The following CFAP43 variants were observed in gnomAD, a reference collection of about 807,000 sequenced individuals.
CFAP43 encodes the protein cilia- and flagella-associated protein 43.
Under a neutral mutation model 218.9 loss-of-function variants are expected in CFAP43, and 155 were observed. The ratio of observed to expected loss-of-function variants is 0.71; its 90% CI spans 0.62 to 0.81. CFAP43 has a LOEUF of 0.81. Ranked by LOEUF, CFAP43 falls within the 30% of genes least tolerant of loss-of-function variation. The pLI is 0.00. For missense variants in CFAP43, 1,778 were observed against 1,954.3 expected (o/e 0.91, Z 1.70); for synonymous variants, 645 against 681.3 (o/e 0.95, Z 0.83).
intron 8 of CFAP43, chr10:104,203,300 G>T (rs1028968478): frequency 4.3e-5 from 9 of 207,296 alleles, no homozygotes; most frequent in Non-Finnish European, 7.6e-5. Flanking sequence ...TTTCCACCAG[G>T]GACATCAAGC....
intron 2 of CFAP43, among the ~76,000 whole-genome samples, chr10:104,227,993 G>A (rs535581141): frequency 9.9e-5 from 15 of 151,738 alleles, no homozygotes; most frequent in East Asian, 1.9e-4. Context: ...ACAGGCATGC[G>A]CCACCATGCC....
chr10:104,148,692 G>A lies in CFAP43; in HGVS notation c.3661-694C>T, dbSNP rs370626498. Among the ~76,000 whole-genome samples, 8 of 152,318 alleles carry A rather than the reference G, an allele frequency of 5.3e-5. No homozygotes were observed. The East Asian group carries it at 1.4e-3, about 26-fold the overall frequency. ...GCACACCCCAGCTCCCCTTCACCTG[G>A]CATAAATGGAAGCGGCCTGAGGCCC... On this transcript the variant is annotated intron_variant, in intron 28 of 37. Coordinates refer to ENST00000357060, the MANE Select transcript of CFAP43 (RefSeq NM_025145.7).
intron 19 of CFAP43, among the ~76,000 whole-genome samples, chr10:104,175,340 G>C: frequency 6.6e-6 from 1 of 152,082 alleles, no homozygotes; most frequent in Non-Finnish European, 1.5e-5. Context: ...TGAGAGGAAT[G>C]CTTGAGCCCA....
At chr10:104,202,049 C>G (rs2134944708) in intron 8 of CFAP43, among the ~76,000 whole-genome samples, 1 of 152,298 alleles carries the variant, frequency 6.6e-6, no homozygotes, top group Admixed American at 6.5e-5. Context: ...GTCTCTGCCA[C>G]AACTATTTAA....
rs1214061768 is a variant in CFAP43, at chr10:104,212,171, A to G, written c.585-14T>C. 2 of 1,610,818 alleles carry G rather than the reference A, an allele frequency of 1.2e-6. No individual in the cohort carries two copies. Among genetic ancestry groups the G allele is most frequent in the South Asian group, 2.2e-5 (2 of 90,634 alleles). On this transcript the variant is annotated splice_polypyrimidine_tract_variant and intron_variant, in intron 4 of 37. Transcript: ENST00000357060. ...AATTTCACCGACCTGTAGACAAAAGAGGCATCAGAACAATGAGATGAACAG... is the reference window on the plus strand; with the variant it reads ...AATTTCACCGACCTGTAGACAAAAGGGGCATCAGAACAATGAGATGAACAG...
At position 104,140,843 on chromosome 10, in the gene CFAP43, C is replaced by G; in HGVS notation, c.4430G>C (p.Arg1477Pro). 6.3e-7 allele frequency: 1 copy of G among 1,590,200 alleles called. No individual in the cohort carries two copies. The highest frequency in any genetic ancestry group is 8.5e-7 in the Non-Finnish European group (1 of 1,172,252). Residue 1477 changes from arginine to proline, a missense_variant and splice_region_variant, in exon 34 of 38, where the codon CGG becomes CCG. This residue lies in a region of CFAP43 where 211 missense variants were observed against 230.6 expected (regional missense o/e 0.91). Coordinates refer to ENST00000357060, the MANE Select transcript of CFAP43 (RefSeq NM_025145.7). ...AATAAAAATAAAAAGTATAATTACCCGAATCACAGAATTCAAGTCTTCAAT... is the reference window on the plus strand; with the variant it reads ...AATAAAAATAAAAAGTATAATTACCGGAATCACAGAATTCAAGTCTTCAAT... ...NIIEDLNSVI[R>P]TQGQKKVASM...
At chr10:104,186,544 A>G (rs1402321710) in intron 14 of CFAP43, among the ~76,000 whole-genome samples, 1 of 152,002 alleles carries the variant, frequency 6.6e-6, no homozygotes, top group Non-Finnish European at 1.5e-5. Context: ...ACTCTACTCC[A>G]TCCCCACCAG....
intron 2 of CFAP43, among the ~76,000 whole-genome samples, chr10:104,228,960 G>A (rs1024048164): frequency 6.6e-6 from 1 of 151,992 alleles, no homozygotes; most frequent in Non-Finnish European, 1.5e-5. Context: ...TAGTATTACT[G>A]GGAATTCCTT....
In CFAP43 at chr10:104,207,792, C is replaced by T. The variant is rs747284153; in HGVS notation, c.768G>A (p.Pro256=). The T allele has an allele frequency of 7.4e-6, 12 of 1,613,638 alleles. 1 individual carries two copies. The highest frequency in any genetic ancestry group is 4.4e-5 in the South Asian group (4 of 91,000). The change falls in exon 6 of 38, where the codon CCG becomes CCA. Residue 256 remains proline, a synonymous_variant. Coordinates refer to ENST00000357060, the MANE Select transcript of CFAP43 (RefSeq NM_025145.7). The part of the protein sequence containing the change: ...PKDDLYPLLH[P]TMHCWTPTSD... The stretch of plus-strand genomic sequence containing the variant: ...TTGTTGGAGTCCAGCAATGCATAGT[C>T]GGGTGAAGCAAAGGATATAGATCAT...
chr10:104,173,686 G>C, intron 19 of CFAP43, among the ~76,000 whole-genome samples: 1 of 152,192 alleles, frequency 6.6e-6, no homozygotes, highest in East Asian at 1.9e-4. Context: ...GGGATGCCAA[G>C]ACACTTCCCA....
At position 104,143,553 on chromosome 10, in the gene CFAP43, G is replaced by T. The variant is rs779066997; in HGVS notation, c.4031C>A (p.Ala1344Asp). 11 of 1,614,166 alleles carry T rather than the reference G, an allele frequency of 6.8e-6. No homozygotes were observed. Among genetic ancestry groups the T allele is most frequent in the Admixed American group, 6.7e-5 (4 of 60,020 alleles). Residue 1344 changes from alanine (A) to aspartate (D), a missense_variant, in exon 32 of 38, where the codon GCC becomes GAC. By Grantham distance (126) the Ala-to-Asp change is moderately radical. Around this residue, in one of 3 missense-constraint regions of CFAP43, gnomAD observed 1,553 missense variants for 1,685.2 expected, o/e 0.92. Coordinates refer to ENST00000357060, the MANE Select transcript of CFAP43 (RefSeq NM_025145.7). ...CATAGCTTTCATTAACTGGGCAAAG[G>T]CATCCTTATTCAACTTGCCAGATCC... The part of the protein sequence containing the change: ...LPGSGKLNKD[A>D]FAQLMKAMDE...
At chr10:104,132,270 G>A in intron 35 of CFAP43, 74 bp from the exon 36 acceptor site, 1 of 1,117,112 alleles carries the variant, frequency 9.0e-7, no homozygotes, top group Non-Finnish European at 1.3e-6. Flanking sequence ...GGTTGTTTTA[G>A]CTTTGAAAGT....
chr10:104,221,976 A>G (rs1479062459), intron 3 of CFAP43, among the ~76,000 whole-genome samples: 1 of 152,094 alleles, frequency 6.6e-6, no homozygotes, highest in Non-Finnish European at 1.5e-5. Flanking sequence ...CCAGCCTGGG[A>G]CTATAACCAT....
chr10:104,192,296 A>T lies in CFAP43; in HGVS notation c.1449T>A (p.Asp483Glu). The change falls in exon 12 of 38, where the codon GAT becomes GAA. Residue 483 changes from aspartate to glutamate, a missense_variant. This residue lies in a region of CFAP43 where 1,553 missense variants were observed against 1,685.2 expected (regional missense o/e 0.92). Transcript: ENST00000357060. ...SESSVQHVVY[D>E]QQGIFLLVGT... ...CAACTAACAGAAATATTCCTTGCTG[A>T]TCATAACTAGAAAAGAAGAAATCTG... is the stretch of plus-strand genomic sequence containing the variant. The T allele has an allele frequency of 1.2e-6, 2 of 1,610,540 alleles. No homozygotes were observed. The highest frequency in any genetic ancestry group is 8.5e-7 in the Non-Finnish European group (1 of 1,177,866).
intron 28 of CFAP43, among the ~76,000 whole-genome samples, chr10:104,151,702 A>G (rs2088266860): frequency 1.3e-5 from 2 of 152,018 alleles, no homozygotes; most frequent in South Asian, 4.1e-4. Context: ...TACTCTGTGG[A>G]TAGTTTCTTT....
intron 34 of CFAP43, among the ~76,000 whole-genome samples, chr10:104,140,408 C>A (rs1212848238): frequency 2.6e-5 from 4 of 152,182 alleles, no homozygotes; most frequent in African/African-American, 4.8e-5. Context: ...TAATGTGCAA[C>A]CACAGTTAGG....
chr10:104,228,591 TTCTA>T lies in CFAP43; in HGVS notation c.319+1995_319+1998del, dbSNP rs1216731806. ...ACATAGGATAAACCTACAAATTACTTTCTATGACAAATCTCAGAAATATATTTAT... is the reference window on the plus strand; with the variant it reads ...ACATAGGATAAACCTACAAATTACTTTGACAAATCTCAGAAATATATTTAT... On this transcript the variant is annotated intron_variant, in intron 2 of 37. Coordinates refer to ENST00000357060, the MANE Select transcript of CFAP43 (RefSeq NM_025145.7). Among the ~76,000 whole-genome samples, 7 of 152,294 alleles carry T rather than the reference TTCTA, an allele frequency of 4.6e-5. No homozygotes were observed. In the East Asian group the frequency reaches 1.3e-3, roughly 29 times the overall value.
Position 104,143,452 on chromosome 10 carries a change from G to A in CFAP43, c.4132C>T (p.Arg1378Ter), listed in dbSNP as rs768831533. Residue 1378 changes from arginine (R) to a stop codon, truncating the protein, a stop_gained, in exon 32 of 38, where the codon CGA becomes TGA. Transcript: ENST00000357060. LOFTEE classifies it high-confidence loss of function. The stretch of plus-strand genomic sequence containing the variant: ...TTCTGTTCATTTTCCACTTTTGCTC[G>A]TCTTGTCATGCAGAAATGATTCCAG... ...LVWNHFCMTR[R>*]AKVENEQKVK... The A allele has an allele frequency of 7.4e-6, 12 of 1,613,860 alleles. No homozygotes were observed. Among genetic ancestry groups the A allele is most frequent in the East Asian group, 2.2e-5 (1 of 44,888 alleles).
At chr10:104,203,480 A>T in intron 8 of CFAP43, 192 bp downstream of exon 8, 1 of 485,704 alleles carries the variant, frequency 2.1e-6, no homozygotes, top group Non-Finnish European at 3.5e-6. Flanking sequence ...CCTTTCAGTT[A>T]CATGCACAAA....
Sources: allele counts gnomAD v4.1 joint callset (sites outside exome capture counted in the v4.1 genomes callset), GRCh38; gene constraint gnomAD v4.1.1; regional missense constraint gnomAD v4.1.1; transcripts MANE v1.5; gene names NCBI Gene and HGNC (gene_info 2026-07-23, HGNC 2026-07-21).